LINC00305: variants seen among roughly 807,000 people sequenced by gnomAD.
LINC00305 encodes long intergenic non-protein coding RNA 305.
intron 1 of LINC00305, among the ~76,000 whole-genome samples, chr18:64,106,369 C>G (rs2051290733): frequency 6.6e-6 from 1 of 152,156 alleles, no homozygotes; most frequent in South Asian, 2.1e-4. Flanking sequence ...GCAATGACGT[C>G]TTTACTCCAC....
intron 1 of LINC00305, among the ~76,000 whole-genome samples, chr18:64,101,856 G>A (rs1419356909): frequency 1.3e-5 from 2 of 152,196 alleles, no homozygotes; most frequent in African/African-American, 2.4e-5. Context: ...TGCATAGCCA[G>A]AGTTTTCCAC....
intron 3 of LINC00305, among the ~76,000 whole-genome samples, chr18:64,083,460 A>C (rs1158171387): frequency 6.6e-6 from 1 of 152,062 alleles, no homozygotes; most frequent in Non-Finnish European, 1.5e-5. Context: ...ACGCATTTAA[A>C]CTCTATAGTC....
chr18:64,146,007 GA>G (rs1217472541), intron 1 of LINC00305, among the ~76,000 whole-genome samples: 1 of 151,596 alleles, frequency 6.6e-6, no homozygotes, highest in East Asian at 1.9e-4. Context: ...CCAAAAAGAA[GA>G]AAAAAAGTGA....
rs184168914 is a variant in LINC00305 at position 64,087,368 on chromosome 18, C to T, written n.541-6966G>A. On this transcript the variant is annotated intron_variant and non_coding_transcript_variant, in intron 3 of 3. Transcript: ENST00000666468. ...GTTCTCTGAATTGGAATCATCAAGC[C>T]ATTAGCAGCTCTTTATTACTAAAGA... 1.7e-3 allele frequency among the ~76,000 whole-genome samples: 261 copies of T among 152,200 alleles called. 3 individuals are homozygous for T. The highest frequency in any genetic ancestry group is 6.0e-3 in the African/African-American group (250 of 41,528).
At chr18:64,112,929 C>T (rs767778790) in intron 1 of LINC00305, among the ~76,000 whole-genome samples, 2 of 152,218 alleles carry the variant, frequency 1.3e-5, no homozygotes, top group Non-Finnish European at 2.9e-5. Flanking sequence ...GTAATAGTTA[C>T]TGTGAACCTA....
At chr18:64,081,893 A>G (rs2051186580) in intron 3 of LINC00305, among the ~76,000 whole-genome samples, 1 of 152,160 alleles carries the variant, frequency 6.6e-6, no homozygotes, top group Non-Finnish European at 1.5e-5. Context: ...CAAGTTGGGG[A>G]AAAAACCCAA....
At chr18:64,124,607 T>C in intron 1 of LINC00305, among the ~76,000 whole-genome samples, 1 of 151,922 alleles carries the variant, frequency 6.6e-6, no homozygotes, top group East Asian at 1.9e-4. Context: ...TATAAAATGC[T>C]AAGAAAATGT....
chr18:64,141,209 T>C (rs2051461509), intron 1 of LINC00305, among the ~76,000 whole-genome samples: 1 of 152,116 alleles, frequency 6.6e-6, no homozygotes, highest in Non-Finnish European at 1.5e-5. Context: ...ATAATAAGTT[T>C]ATGTTGTTTT....
chr18:64,124,560 T>G (rs2144262177), intron 1 of LINC00305, among the ~76,000 whole-genome samples: 1 of 152,262 alleles, frequency 6.6e-6, no homozygotes, highest in East Asian at 1.9e-4. Flanking sequence ...AACACAAGTC[T>G]TAATATGTCC....
intron 1 of LINC00305, among the ~76,000 whole-genome samples, chr18:64,115,166 C>T (rs563998488): frequency 6.6e-6 from 1 of 152,316 alleles, no homozygotes; most frequent in South Asian, 2.1e-4. Flanking sequence ...CCCAAATTGT[C>T]TGCCTTGTTC....
chr18:64,114,806 C>G (rs974631435), intron 1 of LINC00305, among the ~76,000 whole-genome samples: 1 of 152,260 alleles, frequency 6.6e-6, no homozygotes, highest in Non-Finnish European at 1.5e-5. Flanking sequence ...GCCTCGGCCT[C>G]CCGAAGTGCT....
intron 1 of LINC00305, among the ~76,000 whole-genome samples, chr18:64,108,907 T>A (rs1308989528): frequency 6.6e-6 from 1 of 152,212 alleles, no homozygotes; most frequent in African/African-American, 2.4e-5. Flanking sequence ...AGAAACATAA[T>A]ACATCTAGGG....
At chr18:64,099,379 A>C (rs1020753601) in intron 1 of LINC00305, among the ~76,000 whole-genome samples, 9 of 152,168 alleles carry the variant, frequency 5.9e-5, no homozygotes, top group Non-Finnish European at 1.3e-4. Flanking sequence ...AGAAACTCAT[A>C]GCCTCATAGG....
intron 2 of LINC00305, among the ~76,000 whole-genome samples, chr18:64,098,283 C>A (rs898675194): frequency 4.6e-5 from 7 of 152,108 alleles, no homozygotes; most frequent in African/African-American, 1.7e-4. Context: ...AAAATGAAGA[C>A]CCAGGAGTGA....
At chr18:64,148,336 T>C (rs909855511) in intron 1 of LINC00305, among the ~76,000 whole-genome samples, 1 of 152,154 alleles carries the variant, frequency 6.6e-6, no homozygotes, top group Non-Finnish European at 1.5e-5. Context: ...GATATCTTTA[T>C]GTCTTTTCAC....
At chr18:64,106,905 T>C (rs1200817551) in intron 1 of LINC00305, among the ~76,000 whole-genome samples, 1 of 152,212 alleles carries the variant, frequency 6.6e-6, no homozygotes, top group Non-Finnish European at 1.5e-5. Context: ...TGAAGGCTCC[T>C]GGTTACCTTG....
At chr18:64,123,180 G>T (rs2051369519) in intron 1 of LINC00305, among the ~76,000 whole-genome samples, 1 of 151,906 alleles carries the variant, frequency 6.6e-6, no homozygotes, top group African/African-American at 2.4e-5. Context: ...TCTTTTCCTT[G>T]CCTGGTTTAT....
intron 1 of LINC00305, among the ~76,000 whole-genome samples, chr18:64,100,693 A>G (rs2051264767): frequency 6.6e-6 from 1 of 152,100 alleles, no homozygotes; most frequent in Non-Finnish European, 1.5e-5. Context: ...ATAGCTGTGT[A>G]TTTCTCCTGG....
intron 3 of LINC00305, among the ~76,000 whole-genome samples, chr18:64,086,854 A>T (rs946290318): frequency 2.0e-5 from 3 of 152,220 alleles, no homozygotes; most frequent in African/African-American, 7.2e-5. Flanking sequence ...AACAGCAGGG[A>T]TGAATAATTT....
Sources: allele counts gnomAD v4.1 joint callset (sites outside exome capture counted in the v4.1 genomes callset), GRCh38; gene constraint gnomAD v4.1.1; transcripts MANE v1.5; gene names NCBI Gene and HGNC (gene_info 2026-07-23, HGNC 2026-07-21).